CDH4: variants seen among roughly 807,000 people sequenced by gnomAD.
CDH4 encodes the protein cadherin-4.
Under a neutral mutation model 86.0 loss-of-function variants are expected in CDH4, and 33 were observed. The ratio of observed to expected loss-of-function variants is 0.38; its 90% CI spans 0.29 to 0.51. The LOEUF (loss-of-function observed/expected upper bound fraction) is 0.51, where lower values mean the gene tolerates loss of function less well. Among genes scored for constraint, CDH4 ranks in the 20% least tolerant of loss-of-function variants. The pLI is 0.86. For missense variants in CDH4, 1,114 were observed against 1,307.4 expected (o/e 0.85, Z 2.28); for synonymous variants, 555 against 549.4 (o/e 1.01, Z -0.14).
At chr20:61,778,374 C>T (rs543748680) in intron 4 of CDH4, among the ~76,000 whole-genome samples, 5 of 152,136 alleles carry the variant, frequency 3.3e-5, no homozygotes, top group African/African-American at 1.2e-4. Context: ...AAAAAACGAG[C>T]GGGAGAGGAG....
At chr20:61,358,127 T>C (rs2084762733) in intron 2 of CDH4, among the ~76,000 whole-genome samples, 1 of 152,222 alleles carries the variant, frequency 6.6e-6, no homozygotes, top group African/African-American at 2.4e-5. Context: ...TGCCTGGATA[T>C]GGGTACTTTG....
chr20:61,383,974 C>G (rs114734250), intron 2 of CDH4, among the ~76,000 whole-genome samples: 3,290 of 151,758 alleles, frequency 0.022, 197 homozygotes, highest in African/African-American at 0.069. Flanking sequence ...AGAGCCAGTT[C>G]GAGTTCCAAA....
In CDH4 at chr20:61,810,444, CCGGG is replaced by C. The variant is rs1404029721; in HGVS notation, c.577-34223_577-34220del. On this transcript the variant is annotated intron_variant, in intron 4 of 15. Coordinates refer to ENST00000614565, the MANE Select transcript of CDH4 (RefSeq NM_001794.5). The surrounding 1 kb of genome is among the most constrained non-coding windows in gnomAD (Gnocchi z 4.3). ...TGGGTTCTCAGACCCAAGTTCTGAC[CCGGG>C]TTCTCAGACCCAAGTTCTGACCCAC... is the stretch of plus-strand genomic sequence containing the variant. 3.3e-5 allele frequency among the ~76,000 whole-genome samples: 5 copies of C among 152,248 alleles called. No individual in the cohort carries two copies. In the South Asian group the frequency reaches 6.2e-4, roughly 19 times the overall value.
At chr20:61,795,113 G>GATGGTA (rs796367519) in intron 4 of CDH4, among the ~76,000 whole-genome samples, 23 of 82,202 alleles carry the variant, frequency 2.8e-4, no homozygotes, top group African/African-American at 6.8e-4. Context: ...TGATGATGGT[G>GATGGTA]GTGATAATGG....
chr20:61,762,966 C>T (rs138435988), intron 3 of CDH4, among the ~76,000 whole-genome samples: 252 of 152,324 alleles, frequency 1.7e-3, no homozygotes, highest in African/African-American at 5.6e-3. Flanking sequence ...AAAACATTCC[C>T]ATAGATGCTT....
intron 2 of CDH4, among the ~76,000 whole-genome samples, chr20:61,306,673 A>G (rs967647358): frequency 6.6e-6 from 1 of 152,214 alleles, no homozygotes; most frequent in Admixed American, 6.5e-5. Flanking sequence ...TCATATACAC[A>G]AAAGCACACA....
chr20:61,407,866 C>G (rs2085092758), intron 2 of CDH4, among the ~76,000 whole-genome samples: 1 of 152,166 alleles, frequency 6.6e-6, no homozygotes, highest in South Asian at 2.1e-4. Context: ...AGGGGAGACA[C>G]ACTGTGTGAT....
chr20:61,898,448 C>G (rs1195653703), intron 8 of CDH4, among the ~76,000 whole-genome samples: 2 of 152,222 alleles, frequency 1.3e-5, no homozygotes, highest in African/African-American at 4.8e-5. Context: ...AGCTGGTGGC[C>G]ACAGAGGACA....
chr20:61,700,033 C>T (rs1214833068), intron 2 of CDH4, among the ~76,000 whole-genome samples: 1 of 152,172 alleles, frequency 6.6e-6, no homozygotes, highest in Admixed American at 6.5e-5. Context: ...TCCGTGCAGG[C>T]GTGCACTCGG....
chr20:61,568,580 T>G (rs2086317884), intron 2 of CDH4, among the ~76,000 whole-genome samples: 1 of 152,238 alleles, frequency 6.6e-6, no homozygotes, highest in South Asian at 2.1e-4. Context: ...TGGAGGATAC[T>G]ACAACAAATT....
chr20:61,346,260 G>A (rs1183154053), intron 2 of CDH4, among the ~76,000 whole-genome samples: 1 of 151,042 alleles, frequency 6.6e-6, no homozygotes, highest in African/African-American at 2.4e-5. Flanking sequence ...GGAGGTCCTA[G>A]AGGAACCACA....
chr20:61,293,556 A>G (rs1055238121), intron 2 of CDH4, among the ~76,000 whole-genome samples: 7 of 152,206 alleles, frequency 4.6e-5, no homozygotes, highest in Non-Finnish European at 1.0e-4. Context: ...GTCAAGTCCC[A>G]GCCCTGAAAT....
chr20:61,433,081 C>T (rs944935418), intron 2 of CDH4, among the ~76,000 whole-genome samples: 10 of 152,072 alleles, frequency 6.6e-5, no homozygotes, highest in African/African-American at 2.4e-4. Context: ...TCAGGTGATC[C>T]GCCTGCCTTG....
Position 61,613,049 on chromosome 20 carries a change from G to A in CDH4, c.170-130514G>A, listed in dbSNP as rs148867268. ...TTAGAGGTCCCTGCTTGCCCAGGGA[G>A]ACAAGCTTGCAGTGTGAGGCTTCTC... On this transcript the variant is annotated intron_variant, in intron 2 of 15. Transcript: ENST00000614565. Among the ~76,000 whole-genome samples the A allele has an allele frequency of 1.1e-4, 17 of 152,218 alleles. No homozygotes were observed. In the East Asian group the frequency reaches 2.7e-3, roughly 24 times the overall value.
chr20:61,830,904 G>A (rs1022377853), intron 4 of CDH4, among the ~76,000 whole-genome samples: 1 of 152,226 alleles, frequency 6.6e-6, no homozygotes, highest in African/African-American at 2.4e-5. Context: ...TTTGTTGATG[G>A]TGCAGGAACC....
chr20:61,786,441 C>A (rs1211053476), intron 4 of CDH4, among the ~76,000 whole-genome samples: 1 of 152,108 alleles, frequency 6.6e-6, no homozygotes, highest in Non-Finnish European at 1.5e-5. Context: ...GTGAAGAAAG[C>A]AATCATTTTG....
In CDH4 at chr20:61,401,053, C is replaced by T. The variant is rs138538701; in HGVS notation, c.169+146116C>T. On this transcript the variant is annotated intron_variant, in intron 2 of 15. Transcript: ENST00000614565. Reference sequence around the variant, plus strand: ...CCAGACAAGTCCAGAGCTCCTAGCACGGTCCCTAGACCCTGTTTCTGGGCC... The same window carrying T: ...CCAGACAAGTCCAGAGCTCCTAGCATGGTCCCTAGACCCTGTTTCTGGGCC... 6.2e-3 allele frequency among the ~76,000 whole-genome samples: 945 copies of T among 152,348 alleles called. 5 individuals are homozygous for T. Among genetic ancestry groups the T allele is most frequent in the South Asian group, 0.01 (50 of 4,830 alleles).
intron 6 of CDH4, among the ~76,000 whole-genome samples, chr20:61,858,025 C>G (rs1251013221): frequency 1.1e-4 from 16 of 140,496 alleles, no homozygotes; most frequent in African/African-American, 3.5e-4. Context: ...GTGTCTGCAT[C>G]TGTGTGTGTG....
chr20:61,478,679 G>A (rs564305635), intron 2 of CDH4, among the ~76,000 whole-genome samples: 6 of 152,350 alleles, frequency 3.9e-5, no homozygotes, highest in East Asian at 3.9e-4. Flanking sequence ...GAAGCCCGGC[G>A]TGTAGCAGAC....
Sources: gnomAD v4.1 joint callset for allele counts (sites outside exome capture counted in the v4.1 genomes callset) on GRCh38, gnomAD v4.1.1 for gene constraint, Gnocchi (gnomAD v3.1) non-coding constraint, MANE v1.5 for transcripts, NCBI Gene and HGNC (gene_info 2026-07-23, HGNC 2026-07-21) for gene names.